KIF21A: variants seen among roughly 807,000 people sequenced by gnomAD.
The protein encoded by KIF21A is kinesin family member 21A.
Under a neutral mutation model 202.9 loss-of-function variants are expected in KIF21A, and 114 were observed. The ratio of observed to expected loss-of-function variants is 0.56; its 90% CI spans 0.48 to 0.66. KIF21A has a LOEUF of 0.66. Ranked by LOEUF, KIF21A falls within the 30% of genes least tolerant of loss-of-function variation. KIF21A has a pLI of 0.00. For missense variants in KIF21A, 1,677 were observed against 1,994.9 expected, an observed-to-expected ratio of 0.84 and a Z score of 3.04; for synonymous variants, 667 against 670.8, an observed-to-expected ratio of 0.99 and a Z score of 0.09.
Position 39,307,564 on chromosome 12 carries a change from C to A in KIF21A, c.4442+1G>T, listed in dbSNP as rs895643083. 6.2e-7 allele frequency: 1 copy of A among 1,613,362 alleles called. No individual in the cohort carries two copies. The highest frequency in any genetic ancestry group is 1.3e-5 in the African/African-American group (1 of 74,902). On this transcript the variant is annotated splice_donor_variant, in intron 34 of 37. Transcript: ENST00000361418. LOFTEE classifies it high-confidence loss of function. ...AGGTATGTTTTCTTAAAAATATCTACCTTTTAAGATCCCACATCCTGACAG... is the reference window on the plus strand; with the variant it reads ...AGGTATGTTTTCTTAAAAATATCTAACTTTTAAGATCCCACATCCTGACAG...
intron 1 of KIF21A, among the ~76,000 whole-genome samples, chr12:39,380,790 G>A (rs1243221685): frequency 6.6e-6 from 1 of 152,010 alleles, no homozygotes; most frequent in Non-Finnish European, 1.5e-5. Context: ...GGAGTAAAAG[G>A]GAAAATGTAA....
intron 9 of KIF21A, 50 bp downstream of exon 9, chr12:39,357,198 C>A: frequency 6.7e-7 from 1 of 1,487,228 alleles, no homozygotes; most frequent in Non-Finnish European, 9.4e-7. Flanking sequence ...AAAGAATGTT[C>A]CCTGCCCTCC....
chr12:39,418,150 C>T lies in KIF21A; in HGVS notation c.44+24777G>A, dbSNP rs1953935180. On this transcript the variant is annotated intron_variant, in intron 1 of 37. Coordinates refer to ENST00000361418, the MANE Select transcript of KIF21A (RefSeq NM_001173464.2). ...TTGAGCCTAACAGGAGAGGAGATTG[C>T]ACCATTGCATTCCAGCCTGGGTGAC... Among the ~76,000 whole-genome samples the T allele has an allele frequency of 2.0e-5, 3 of 150,422 alleles. 1 individual carries two copies. The highest frequency in any genetic ancestry group is 2.9e-5 in the Non-Finnish European group (2 of 67,806).
chr12:39,395,625 T>C (rs187721512), intron 1 of KIF21A, among the ~76,000 whole-genome samples: 2 of 152,002 alleles, frequency 1.3e-5, no homozygotes, highest in African/African-American at 4.8e-5. Flanking sequence ...GCGGGTCTCC[T>C]GAGGTCAGGA....
chr12:39,382,139 T>C (rs759672064), intron 1 of KIF21A, among the ~76,000 whole-genome samples: 6 of 152,204 alleles, frequency 3.9e-5, no homozygotes, highest in Non-Finnish European at 7.4e-5. Context: ...AAAATTACCT[T>C]TCTTTGATTT....
At chr12:39,376,716 G>T (rs964215266) in intron 1 of KIF21A, among the ~76,000 whole-genome samples, 1 of 152,148 alleles carries the variant, frequency 6.6e-6, no homozygotes, top group Non-Finnish European at 1.5e-5. Flanking sequence ...TCAATCCAAT[G>T]ATGCAAACGA....
chr12:39,428,449 G>C (rs1954928556), intron 1 of KIF21A, among the ~76,000 whole-genome samples: 3 of 152,072 alleles, frequency 2.0e-5, no homozygotes, highest in Admixed American at 1.3e-4. Context: ...GGTTTCAGTG[G>C]CTATTATTGT....
chr12:39,416,674 CAT>C lies in KIF21A; in HGVS notation c.44+26251_44+26252del, dbSNP rs1388905256. 2.6e-3 allele frequency among the ~76,000 whole-genome samples: 298 copies of C among 115,574 alleles called. 27 individuals are homozygous for C. The highest frequency in any genetic ancestry group is 9.9e-3 in the African/African-American group (255 of 25,800). 75.8% of individuals were successfully genotyped at this position (115,574 alleles called of 152,430 possible). Reference sequence around the variant, plus strand: ...ATATATATGTGTATATATATATGTACATATATATGTGTGTATATATATATGTA... The same window carrying C: ...ATATATATGTGTATATATATATGTACATATATGTGTGTATATATATATGTA... On this transcript the variant is annotated intron_variant, in intron 1 of 37. Transcript: ENST00000361418.
At position 39,370,088 on chromosome 12, in the gene KIF21A, A is replaced by G; in HGVS notation, c.218T>C (p.Ile73Thr). 1 of 1,613,850 alleles carries G rather than the reference A, an allele frequency of 6.2e-7. No individual in the cohort carries two copies. Among genetic ancestry groups the G allele is most frequent in the East Asian group, 2.2e-5 (1 of 44,836 alleles). ...ATTGTATCCTTCAAAGCAACCTTCA[A>G]TTAGTTTTTCTATACATTGAATGTA... ...QIYIQCIEKLIEGCFEGYNAT... is the reference protein window; with the variant it reads ...QIYIQCIEKLTEGCFEGYNAT... The change falls in exon 2 of 38, where the codon ATT becomes ACT. Residue 73 changes from isoleucine to threonine, a missense_variant. Ile to Thr is a moderately conservative substitution (Grantham distance 89). Around this residue, in one of 3 missense-constraint regions of KIF21A, gnomAD observed 966 missense variants for 1,180.9 expected, o/e 0.82. Coordinates refer to ENST00000361418, the MANE Select transcript of KIF21A (RefSeq NM_001173464.2).
chr12:39,368,457 T>C (rs1949745145), intron 3 of KIF21A, among the ~76,000 whole-genome samples: 1 of 152,140 alleles, frequency 6.6e-6, no homozygotes, highest in Non-Finnish European at 1.5e-5. Flanking sequence ...TGTTGAAAAA[T>C]TAACACTTAG....
intron 1 of KIF21A, among the ~76,000 whole-genome samples, chr12:39,399,597 T>A (rs1205372204): frequency 6.6e-6 from 1 of 152,204 alleles, no homozygotes; most frequent in African/African-American, 2.4e-5. Context: ...TATGAGACAC[T>A]CTGTATGCAC....
At position 39,304,858 on chromosome 12, in the gene KIF21A, T is replaced by G; in HGVS notation, c.4523A>C (p.Asp1508Ala). ...ATCCTTGGAGCCAGTGATGATTAGA[T>G]CTTGTCCACTGGAAATCTGATCCAC... ...LTVDQISSGQ[D>A]LIITGSKDHY... The change falls in exon 35 of 38, where the codon GAT becomes GCT. Residue 1508 changes from aspartate (D) to alanine (A), a missense_variant. By Grantham distance (126) the Asp-to-Ala change is moderately radical. Transcript: ENST00000361418. 1 of 1,605,412 alleles carries G rather than the reference T, an allele frequency of 6.2e-7. No homozygotes were observed. The highest frequency in any genetic ancestry group is 2.2e-5 in the East Asian group (1 of 44,788).
chr12:39,311,592 CAG>C, intron 31 of KIF21A, 39 bp from the exon 32 acceptor site: 1 of 1,609,534 alleles, frequency 6.2e-7, no homozygotes. Flanking sequence ...AGACTCACTT[CAG>C]TATCATGAGA....
intron 1 of KIF21A, among the ~76,000 whole-genome samples, chr12:39,371,212 A>C (rs1338423063): frequency 4.6e-5 from 7 of 152,212 alleles, no homozygotes; most frequent in African/African-American, 1.4e-4. Flanking sequence ...GGAACCCCTG[A>C]ATATGGAGAG....
At chr12:39,363,016 G>T (rs1949346798) in intron 7 of KIF21A, 82 bp downstream of exon 7, 1 of 898,598 alleles carries the variant, frequency 1.1e-6, no homozygotes, top group Non-Finnish European at 1.9e-6. Context: ...TGCAATAAAA[G>T]TAGTTCTTAT....
At chr12:39,361,278 C>G (rs754067741) in intron 7 of KIF21A, among the ~76,000 whole-genome samples, 20 of 152,010 alleles carry the variant, frequency 1.3e-4, no homozygotes, top group Non-Finnish European at 2.4e-4. Context: ...ATTTAGAAAA[C>G]CCGAAAAAAT....
intron 1 of KIF21A, among the ~76,000 whole-genome samples, chr12:39,391,537 A>G (rs1189680184): frequency 1.3e-5 from 2 of 152,170 alleles, no homozygotes; most frequent in Admixed American, 6.5e-5. Flanking sequence ...CAGGAGTTTG[A>G]GACCAACCTG....
chr12:39,370,902 T>C (rs1178716484), intron 1 of KIF21A, among the ~76,000 whole-genome samples: 1 of 152,118 alleles, frequency 6.6e-6, no homozygotes, highest in Non-Finnish European at 1.5e-5. Flanking sequence ...CCATGAAAGA[T>C]TGGTTTCACA....
chr12:39,311,502 A>C lies in KIF21A; in HGVS notation c.4011T>G (p.Leu1337=). ...GCCCTTCAGCTATGTGAATACACTG[A>C]AGTGGAAAAGCTCTGATTCCTTTTG... ...PASKGIRAFP[L]QCIHIAEGHT... Residue 1337 remains leucine, a synonymous_variant, in exon 32 of 38, where the codon CTT becomes CTG. Transcript: ENST00000361418. The C allele has an allele frequency of 6.2e-7, 1 of 1,613,258 alleles. No homozygotes were observed. The highest frequency in any genetic ancestry group is 8.5e-7 in the Non-Finnish European group (1 of 1,179,300).
Sources: gnomAD v4.1 joint callset for allele counts (sites outside exome capture counted in the v4.1 genomes callset) on GRCh38, gnomAD v4.1.1 for gene constraint, gnomAD v4.1.1 regional missense constraint, MANE v1.5 for transcripts, NCBI Gene and HGNC (gene_info 2026-07-23, HGNC 2026-07-21) for gene names.